The following MAP9 variants were observed in gnomAD, a reference collection of about 807,000 sequenced individuals.
The protein encoded by MAP9 is microtubule-associated protein 9.
MAP9 carries 80 observed loss-of-function variants against 75.2 expected under a neutral mutation model. The observed-to-expected ratio is 1.06, with a 90% confidence interval of 0.89 to 1.28. MAP9 has a LOEUF of 1.28. Among genes scored for constraint, MAP9 ranks in the 50% most tolerant of loss-of-function variants. MAP9 has a pLI of 0.00. For missense variants in MAP9, 753 were observed against 719.9 expected (o/e 1.05, Z -0.53); for synonymous variants, 235 against 237.3 (o/e 0.99, Z 0.09).
In MAP9 at chr4:155,344,161, C is replaced by CATT. The variant is rs1430088928; in HGVS notation, c.*3619_*3621dup. ...CCATGACACAGGATTTAAGAAACTT[C>CATT]ATTATTTCCCCTCACTTTAAAGTGT... On this transcript the variant is annotated 3_prime_UTR_variant, in exon 14 of 14. Transcript: ENST00000311277. 6.6e-6 allele frequency: 1 copy of CATT among 151,900 alleles called. No individual in the cohort carries two copies. Among genetic ancestry groups the CATT allele is most frequent in the East Asian group, 1.9e-4 (1 of 5,196 alleles). The allele number at this position is 151,900 out of a possible 1,614,324, so 9.4% of individuals were successfully genotyped here. A position where few individuals can be genotyped will look rare whatever the true frequency, so the allele number is the denominator to read the frequency against.
chr4:155,359,414 G>C (rs374916086), intron 7 of MAP9, among the ~76,000 whole-genome samples: 2 of 151,988 alleles, frequency 1.3e-5, no homozygotes, highest in African/African-American at 4.8e-5. Context: ...ATAGGGTATG[G>C]AATAATAGAT....
rs988812051 is a variant in MAP9 at position 155,373,420 on chromosome 4, T to C, written c.197A>G (p.Glu66Gly). 2 of 1,589,382 alleles carry C rather than the reference T, an allele frequency of 1.3e-6. No individual in the cohort carries two copies. Among genetic ancestry groups the C allele is most frequent in the Admixed American group, 1.8e-5 (1 of 56,450 alleles). ...LGDFSDTSAD[E>G]NSVNKKMNDF... The stretch of plus-strand genomic sequence containing the variant: ...ATTCATTTTTTTATTAACTGAATTT[T>C]CATCTGCTGAAGTGTCAGAAAAATC... The change falls in exon 4 of 14, where the codon GAA (glutamate) becomes GGA (glycine). Residue 66 changes from glutamate to glycine, a missense_variant. By Grantham distance (98) the Glu-to-Gly change is moderately conservative. Transcript: ENST00000311277.
chr4:155,360,399 G>A lies in MAP9; in HGVS notation c.819C>T (p.Ile273=). ...ATTTCAAGGAATTATGGTTTTCAGT[G>A]ATTTCTTCATTTGGATCTATTTTGA... ...NASGKDPNEE[I]TENHNSLKSD... is the part of the protein sequence containing the mutation. The change falls in exon 7 of 14, where the codon ATC becomes ATT. Residue 273 remains isoleucine (I), a synonymous_variant. Coordinates refer to ENST00000311277, the MANE Select transcript of MAP9 (RefSeq NM_001039580.2). The A allele has an allele frequency of 1.2e-6, 2 of 1,610,234 alleles. No homozygotes were observed. Among genetic ancestry groups the A allele is most frequent in the Non-Finnish European group, 1.7e-6 (2 of 1,178,122 alleles).
intron 13 of MAP9, among the ~76,000 whole-genome samples, chr4:155,348,802 T>A (rs539931633): frequency 6.6e-6 from 1 of 152,338 alleles, no homozygotes; most frequent in African/African-American, 2.4e-5. Flanking sequence ...CATCAAACAT[T>A]TTGCCTACCT....
Position 155,347,899 on chromosome 4 carries a change from T to C in MAP9, c.1828A>G (p.Lys610Glu), listed in dbSNP as rs989237005. ...INEYEKWLEN[K>E]EKQERIERKQ... ...CGTTCAATTCTTTCTTGTTTTTCCT[T>C]ATTTTCCTAAAGAGAAAATAGAACA... The change falls in exon 14 of 14, where the codon AAG (lysine) becomes GAG (glutamate). Residue 610 changes from lysine (K) to glutamate (E), a missense_variant. Transcript: ENST00000311277. The C allele has an allele frequency of 2.0e-6, 3 of 1,509,722 alleles. No homozygotes were observed. The allele number at this position is 1,509,722 out of a possible 1,614,324, so 93.5% of individuals were successfully genotyped here. A position where few individuals can be genotyped will look rare whatever the true frequency, so the allele number is the denominator to read the frequency against.
intron 4 of MAP9, among the ~76,000 whole-genome samples, chr4:155,370,469 T>C (rs1009015752): frequency 1.3e-5 from 2 of 152,178 alleles, no homozygotes; most frequent in South Asian, 2.1e-4. Flanking sequence ...GGGCTAACAG[T>C]TGTCATGCAC....
rs1435199498 is a variant in MAP9, at chr4:155,346,158, G to A, written c.*1625C>T. On this transcript the variant is annotated 3_prime_UTR_variant, in exon 14 of 14. Transcript: ENST00000311277. Reference sequence around the variant, plus strand: ...CATGCACTGCAGCAAGAAGGCTGATGCTCAGTATGTGGAACGTCTGGAGTG... The same window carrying A: ...CATGCACTGCAGCAAGAAGGCTGATACTCAGTATGTGGAACGTCTGGAGTG... 1.3e-5 allele frequency: 2 copies of A among 152,218 alleles called. No individual in the cohort carries two copies. Among genetic ancestry groups the A allele is most frequent in the East Asian group, 1.9e-4 (1 of 5,156 alleles). The allele number at this position is 152,218 out of a possible 1,614,324, so 9.4% of individuals were successfully genotyped here.
rs1240338908 is a variant in MAP9, at chr4:155,367,634, G to A, written c.708+952C>T. The A allele has an allele frequency of 2.6e-5, 4 of 152,236 alleles. No individual in the cohort carries two copies. In the South Asian group the frequency reaches 8.3e-4, roughly 32 times the overall value. The allele number at this position is 152,236 out of a possible 1,614,324, so 9.4% of individuals were successfully genotyped here. On this transcript the variant is annotated intron_variant, in intron 5 of 13. Transcript: ENST00000311277. ...TCTTCTGGTTTTCAGAACAAATTAA[G>A]AAACAGCATGGTGGTGTCAGTTAGG... is the stretch of plus-strand genomic sequence containing the variant.
At chr4:155,374,520 T>C (rs1034341263) in intron 3 of MAP9, among the ~76,000 whole-genome samples, 4 of 152,176 alleles carry the variant, frequency 2.6e-5, no homozygotes, top group Non-Finnish European at 5.9e-5. Flanking sequence ...AAAAATCTGA[T>C]TTATAGCAAG....
In MAP9 at chr4:155,375,821, CA is replaced by C. The variant is rs1560820663; in HGVS notation, c.29del (p.Leu10TrpfsTer19). 9 of 1,610,062 alleles carry C rather than the reference CA, an allele frequency of 5.6e-6. No individual in the cohort carries two copies. The highest frequency in any genetic ancestry group is 7.6e-6 in the Non-Finnish European group (9 of 1,177,752). On this transcript the variant is annotated frameshift_variant, in exon 2 of 14. Transcript: ENST00000311277. LOFTEE classifies it high-confidence loss of function. ...TAACTTTTGGACTCTTTGTATATGCCAAAGTGGTGCTAAAAACTTCATCAGA... is the reference window on the plus strand; with the variant it reads ...TAACTTTTGGACTCTTTGTATATGCCAAGTGGTGCTAAAAACTTCATCAGA... MSDEVFSTTLAYTKSPKVTK... is the reference protein window; with the variant it reads MSDEVFSTTXAYTKSPKVTK...
At chr4:155,370,546 A>T (rs1230655795) in intron 4 of MAP9, among the ~76,000 whole-genome samples, 2 of 152,132 alleles carry the variant, frequency 1.3e-5, no homozygotes, top group African/African-American at 4.8e-5. Context: ...CCCTGCCTAG[A>T]ATATCCACTT....
At chr4:155,366,021 G>A (rs1262502271) in intron 5 of MAP9, among the ~76,000 whole-genome samples, 1 of 152,058 alleles carries the variant, frequency 6.6e-6, no homozygotes, top group Admixed American at 6.6e-5. Flanking sequence ...TCTTAAAAAT[G>A]AATGAGAAAA....
In MAP9 at chr4:155,353,233, T is replaced by C. The variant is rs1407518796; in HGVS notation, c.1488A>G (p.Lys496=). ...KIAAKKRLEE[K]NKKKTEEENA... The stretch of plus-strand genomic sequence containing the variant: ...TTTCTTCTTCAGTTTTCTTCTTGTT[T>C]TTTTCTTCAAGCCTCTTTTTGGCAG... The change falls in exon 11 of 14, where the codon AAA becomes AAG. Residue 496 remains lysine (K), a synonymous_variant. Coordinates refer to ENST00000311277, the MANE Select transcript of MAP9 (RefSeq NM_001039580.2). 1 of 1,608,332 alleles carries C rather than the reference T, an allele frequency of 6.2e-7. No individual in the cohort carries two copies. The highest frequency in any genetic ancestry group is 2.2e-5 in the East Asian group (1 of 44,606).
intron 4 of MAP9, among the ~76,000 whole-genome samples, chr4:155,369,850 T>C (rs1170128511): frequency 1.3e-5 from 2 of 152,262 alleles, no homozygotes; most frequent in African/African-American, 2.4e-5. Flanking sequence ...AAATGCTGAT[T>C]TGCATCCAGT....
Position 155,357,185 on chromosome 4 carries a change from C to T in MAP9, c.1121+264G>A, listed in dbSNP as rs530393383. ...AGAAAGAAGAAAAATATTCCTAGGA[C>T]GATCCTGGAGAGCAAAGGTATTGCA... On this transcript the variant is annotated intron_variant, in intron 8 of 13. Transcript: ENST00000311277. The T allele has an allele frequency of 5.1e-4, 184 of 360,840 alleles. 4 individuals carry two copies. The South Asian group carries it at 5.4e-3, about 11-fold the overall frequency. 22.4% of individuals were successfully genotyped at this position (360,840 alleles called of 1,614,324 possible).
At chr4:155,375,107 T>C in intron 2 of MAP9, 86 bp from the exon 3 acceptor site, 1 of 941,458 alleles carries the variant, frequency 1.1e-6, no homozygotes, top group Non-Finnish European at 1.6e-6. Flanking sequence ...AATGCTTGAT[T>C]AACGACTGCT....
rs1240527237 is a variant in MAP9, at chr4:155,343,416, G to A, written c.*4367C>T. 1 of 151,360 alleles carries A rather than the reference G, an allele frequency of 6.6e-6. No individual in the cohort carries two copies. Among genetic ancestry groups the A allele is most frequent in the East Asian group, 1.9e-4 (1 of 5,192 alleles). The allele number at this position is 151,360 out of a possible 1,614,324, so 9.4% of individuals were successfully genotyped here. On this transcript the variant is annotated 3_prime_UTR_variant, in exon 14 of 14. Coordinates refer to ENST00000311277, the MANE Select transcript of MAP9 (RefSeq NM_001039580.2). Reference sequence around the variant, plus strand: ...TAACTATCTTCAGGAGATGAGAACTGGGAACATGGGTGACTTTTGCTTATT... The same window carrying A: ...TAACTATCTTCAGGAGATGAGAACTAGGAACATGGGTGACTTTTGCTTATT...
intron 11 of MAP9, 56 bp from the exon 12 acceptor site, chr4:155,353,113 A>G (rs1731594263): frequency 2.0e-5 from 31 of 1,537,276 alleles, no homozygotes; most frequent in Non-Finnish European, 2.7e-5. Flanking sequence ...AAATAAAAAT[A>G]TGGTTAATCA....
intron 1 of MAP9, chr4:155,376,293 A>T (rs1201028264): frequency 6.5e-6 from 1 of 153,806 alleles, no homozygotes; most frequent in African/African-American, 2.4e-5. Context: ...CGGCGTAAAA[A>T]TTATGAGCAC....
Sources: gnomAD v4.1 joint callset for allele counts (sites outside exome capture counted in the v4.1 genomes callset) on GRCh38, gnomAD v4.1.1 for gene constraint, MANE v1.5 for transcripts, NCBI Gene and HGNC (gene_info 2026-07-23, HGNC 2026-07-21) for gene names.